The following BACE2 variants were observed in gnomAD, a reference collection of about 807,000 sequenced individuals.
BACE2 encodes the protein beta-secretase 2, also known as 56 kDa aspartic-like protease.
Under a neutral mutation model 46.2 loss-of-function variants are expected in BACE2, and 17 were observed. That is an observed-to-expected ratio of 0.37 (90% CI 0.25 to 0.55). The LOEUF (loss-of-function observed/expected upper bound fraction) is 0.55, where lower values mean the gene tolerates loss of function less well. Ranked by LOEUF, BACE2 falls within the 20% of genes least tolerant of loss-of-function variation. BACE2 has a pLI of 0.82. For synonymous variants in BACE2, 277 were observed against 295.9 expected (o/e 0.94, Z 0.66); for missense variants, 595 against 698.1 (o/e 0.85, Z 1.66).
chr21:41,195,922 A>G (rs540332032), intron 1 of BACE2, among the ~76,000 whole-genome samples: 1 of 152,336 alleles, frequency 6.6e-6, no homozygotes, highest in East Asian at 1.9e-4. Flanking sequence ...TTATTCCATC[A>G]TATAATTTCT....
chr21:41,176,508 T>C (rs965364772), intron 1 of BACE2: 2 of 152,252 alleles, frequency 1.3e-5, no homozygotes, highest in Non-Finnish European at 2.9e-5. Flanking sequence ...CCCCAGCCAT[T>C]GGACTCTATT....
At chr21:41,176,993 C>T (rs573290016) in intron 1 of BACE2, 10 of 152,384 alleles carry the variant, frequency 6.6e-5, no homozygotes, top group African/African-American at 1.9e-4. Flanking sequence ...AATCCCTCCT[C>T]TACAAAGTGT....
At chr21:41,275,229 G>C (rs2088472800) in intron 8 of BACE2, 142 bp from the exon 9 acceptor site, 2 of 1,163,634 alleles carry the variant, frequency 1.7e-6, no homozygotes, top group Non-Finnish European at 1.2e-6. Flanking sequence ...ACCCCACTCA[G>C]TGCTTCCTGA....
chr21:41,209,710 G>A (rs737288), intron 1 of BACE2, among the ~76,000 whole-genome samples: 2 of 151,812 alleles, frequency 1.3e-5, no homozygotes, highest in African/African-American at 2.4e-5. Context: ...ATTCTGCAGC[G>A]AACAAGAGGT....
At chr21:41,168,761 G>A (rs1205474781) in intron 1 of BACE2, among the ~76,000 whole-genome samples, 186 bp downstream of exon 1, 1 of 152,134 alleles carries the variant, frequency 6.6e-6, no homozygotes, top group African/African-American at 2.4e-5. Context: ...AGTCGCGGAG[G>A]ACGGCAGCCC....
At chr21:41,210,029 C>T (rs1162518264) in intron 1 of BACE2, among the ~76,000 whole-genome samples, 3 of 151,602 alleles carry the variant, frequency 2.0e-5, no homozygotes, top group South Asian at 2.1e-4. Flanking sequence ...ACCCCAGGAA[C>T]GAGGTTTCAG....
rs769406310 is a variant in BACE2, at chr21:41,246,024, G to A, written c.945G>A (p.Val315=). 3.4e-5 allele frequency: 54 copies of A among 1,610,508 alleles called. No individual in the cohort carries two copies. The South Asian group carries it at 5.4e-4, about 16-fold the overall frequency. The part of the protein sequence containing the change: ...GTTLLRLPQK[V]FDAVVEAVAR... Reference sequence around the variant, plus strand: ...CGCTGCTGCGCCTGCCCCAGAAGGTGTTTGATGCGGTGGTGGAAGCTGTGG... The same window carrying A: ...CGCTGCTGCGCCTGCCCCAGAAGGTATTTGATGCGGTGGTGGAAGCTGTGG... The change falls in exon 6 of 9, where the codon GTG becomes GTA. Residue 315 remains valine (V), a synonymous_variant. Transcript: ENST00000330333.
intron 8 of BACE2, among the ~76,000 whole-genome samples, chr21:41,272,320 T>C (rs141301093): frequency 1.6e-4 from 24 of 152,242 alleles, no homozygotes; most frequent in South Asian, 4.1e-4. Flanking sequence ...TGGGGTCCTT[T>C]GGGCTTCTTG....
chr21:41,218,955 C>T (rs888274668), intron 1 of BACE2, among the ~76,000 whole-genome samples: 9 of 151,866 alleles, frequency 5.9e-5, no homozygotes, highest in African/African-American at 1.2e-4. Context: ...CTCCGCCTCC[C>T]GGGTTCAAGC....
At chr21:41,246,379 C>G (rs766585330) in intron 6 of BACE2, 15 of 166,636 alleles carry the variant, frequency 9.0e-5, no homozygotes, top group Non-Finnish European at 1.8e-4. Context: ...GCAATGCCCT[C>G]TAGTATTTCA....
At chr21:41,174,393 G>A (rs998072354) in intron 1 of BACE2, among the ~76,000 whole-genome samples, 5 of 151,738 alleles carry the variant, frequency 3.3e-5, no homozygotes, top group African/African-American at 1.2e-4. Flanking sequence ...TGCCCACCTC[G>A]GCCTCCCAAA....
chr21:41,268,213 A>G (rs577363768), intron 8 of BACE2, among the ~76,000 whole-genome samples: 7 of 152,312 alleles, frequency 4.6e-5, no homozygotes, highest in Admixed American at 3.9e-4. Context: ...CATTTTATAG[A>G]TGACAAAACT....
In BACE2 at chr21:41,251,745, G is replaced by A. The variant is rs575798940; in HGVS notation, c.1134+844G>A. 2.0e-5 allele frequency among the ~76,000 whole-genome samples: 3 copies of A among 149,556 alleles called. No homozygotes were observed. In the East Asian group the frequency reaches 5.9e-4, roughly 30 times the overall value. On this transcript the variant is annotated intron_variant, in intron 7 of 8. Coordinates refer to ENST00000330333, the MANE Select transcript of BACE2 (RefSeq NM_012105.5). The stretch of plus-strand genomic sequence containing the variant: ...GAACCTGGGAGGCGGAGGTTGCAGT[G>A]AGCCGAGATCACACCACTGCACTGC...
intron 2 of BACE2, among the ~76,000 whole-genome samples, chr21:41,228,091 A>G (rs1347190350): frequency 2.0e-5 from 3 of 152,208 alleles, no homozygotes; most frequent in Non-Finnish European, 2.9e-5. Context: ...GCTTTTTATA[A>G]CAAGTGCTTT....
At chr21:41,202,885 C>T (rs1466922716) in intron 1 of BACE2, among the ~76,000 whole-genome samples, 1 of 152,092 alleles carries the variant, frequency 6.6e-6, no homozygotes, top group African/African-American at 2.4e-5. Flanking sequence ...GAGGTGATTC[C>T]AGTGATCAGG....
intron 7 of BACE2, among the ~76,000 whole-genome samples, 182 bp from the exon 8 acceptor site, chr21:41,256,976 T>C (rs1035492047): frequency 3.9e-5 from 6 of 152,198 alleles, no homozygotes; most frequent in Admixed American, 3.3e-4. Flanking sequence ...ATCAATAATA[T>C]TGATCACCAT....
chr21:41,214,722 A>G (rs1488444950), intron 1 of BACE2, among the ~76,000 whole-genome samples: 1 of 152,194 alleles, frequency 6.6e-6, no homozygotes, highest in African/African-American at 2.4e-5. Flanking sequence ...ACAACTGTTT[A>G]GTGAGCACCT....
chr21:41,200,030 G>C (rs1225913832), intron 1 of BACE2, among the ~76,000 whole-genome samples: 1 of 141,270 alleles, frequency 7.1e-6, no homozygotes, highest in South Asian at 2.6e-4. Flanking sequence ...CACACACCAG[G>C]GCCTGTTGTG....
chr21:41,204,667 T>C (rs1406466783), intron 1 of BACE2, among the ~76,000 whole-genome samples: 1 of 152,262 alleles, frequency 6.6e-6, no homozygotes, highest in Non-Finnish European at 1.5e-5. Context: ...TTCCTGTCTC[T>C]AGAATGTTCT....
Sources: gnomAD v4.1 joint callset for allele counts (sites outside exome capture counted in the v4.1 genomes callset) on GRCh38, gnomAD v4.1.1 for gene constraint, MANE v1.5 for transcripts, NCBI Gene and HGNC (gene_info 2026-07-23, HGNC 2026-07-21) for gene names.